FER: variants seen among roughly 807,000 people sequenced by gnomAD.
FER encodes FER tyrosine kinase, also known as tyrosine-protein kinase Fer.
FER carries 63 observed loss-of-function variants against 111.0 expected under a neutral mutation model. That is an observed-to-expected ratio of 0.57 (90% CI 0.46 to 0.70). The LOEUF (loss-of-function observed/expected upper bound fraction) is 0.70. Ranked by LOEUF, FER falls within the 30% of genes least tolerant of loss-of-function variation. The pLI is 0.00. For synonymous variants in FER, 327 were observed against 313.9 expected (o/e 1.04, Z -0.44); for missense variants, 914 against 954.0 (o/e 0.96, Z 0.55).
chr5:108,747,924 G>A lies in FER; in HGVS notation c.-282G>A, dbSNP rs1749989535. 6.6e-6 allele frequency: 1 copy of A among 152,214 alleles called. No homozygotes were observed. 9.4% of individuals were successfully genotyped at this position (152,214 alleles called of 1,614,324 possible). On this transcript the variant is annotated 5_prime_UTR_variant, in exon 1 of 20. Coordinates refer to ENST00000281092, the MANE Select transcript of FER (RefSeq NM_005246.4). ...TCATTTTTCACCAAATTCTTTTGGT[G>A]AAGGACGCTTCAGAAACGGCCATCA... is the stretch of plus-strand genomic sequence containing the variant.
chr5:109,114,669 G>A (rs76213323), intron 17 of FER, among the ~76,000 whole-genome samples: 1,659 of 152,002 alleles, frequency 0.011, 24 homozygotes, highest in African/African-American at 0.037. Context: ...ACATGTCTTC[G>A]TTTCAATAAA....
chr5:108,893,895 G>C (rs776436620), intron 9 of FER, among the ~76,000 whole-genome samples: 1 of 151,996 alleles, frequency 6.6e-6, no homozygotes, highest in Admixed American at 6.6e-5. Flanking sequence ...AAACTGGTAG[G>C]GGGCTGTATT....
intron 7 of FER, 50 bp from the exon 8 acceptor site, chr5:108,872,043 T>C (rs1466375329): frequency 6.4e-7 from 1 of 1,563,754 alleles, no homozygotes; most frequent in South Asian, 1.2e-5. Context: ...TGAAGATATA[T>C]TATGATACTG....
At chr5:109,141,734 CACTG>C (rs1398622025) in intron 17 of FER, among the ~76,000 whole-genome samples, 2 of 152,204 alleles carry the variant, frequency 1.3e-5, no homozygotes, top group East Asian at 1.9e-4. Flanking sequence ...GCTCAAATTT[CACTG>C]ACTAAGTCAA....
intron 17 of FER, among the ~76,000 whole-genome samples, chr5:109,158,306 A>T (rs190233754): frequency 2.0e-5 from 3 of 152,184 alleles, no homozygotes; most frequent in Admixed American, 1.3e-4. Flanking sequence ...GGGGCAGTTG[A>T]GGTAGATGAA....
chr5:109,029,425 CTTTTTTTT>C (rs757282669), intron 13 of FER, among the ~76,000 whole-genome samples: 2 of 52,204 alleles, frequency 3.8e-5, no homozygotes, highest in South Asian at 8.4e-4. Flanking sequence ...ATTCATTGTT[CTTTTTTTT>C]TTTTTTTTTT....
At chr5:108,834,555 A>G (rs1449504591) in intron 4 of FER, among the ~76,000 whole-genome samples, 3 of 152,102 alleles carry the variant, frequency 2.0e-5, no homozygotes, top group African/African-American at 4.8e-5. Context: ...AAAATTAGCC[A>G]GGTGCGGTGG....
intron 16 of FER, among the ~76,000 whole-genome samples, chr5:109,094,173 C>CTTT (rs199951464): frequency 8.4e-5 from 12 of 143,542 alleles, no homozygotes; most frequent in East Asian, 4.1e-4. Context: ...ACCTTTCCAG[C>CTTT]TTTTTTTTTT....
At position 109,192,589 on chromosome 5, in the gene FER, A is replaced by G. The variant is rs369632215; in HGVS notation, c.*5014A>G. 1.3e-5 allele frequency: 2 copies of G among 152,148 alleles called. No individual in the cohort carries two copies. Among genetic ancestry groups the G allele is most frequent in the African/African-American group, 4.8e-5 (2 of 41,426 alleles). The allele number at this position is 152,148 out of a possible 1,614,324, so 9.4% of individuals were successfully genotyped here. A position where few individuals can be genotyped will look rare whatever the true frequency, so the allele number is the denominator to read the frequency against. The stretch of plus-strand genomic sequence containing the variant: ...AAGACACTACCCAAAGCTTCTTTAC[A>G]TTTGCATTGGTTATATTTAATATTT... On this transcript the variant is annotated 3_prime_UTR_variant, in exon 20 of 20. Transcript: ENST00000281092.
chr5:109,006,220 TGAG>T (rs536531473), intron 13 of FER, among the ~76,000 whole-genome samples: 1 of 152,170 alleles, frequency 6.6e-6, no homozygotes, highest in South Asian at 2.1e-4. Flanking sequence ...AAGAAAGCTG[TGAG>T]GAGTTTTCAT....
intron 16 of FER, among the ~76,000 whole-genome samples, chr5:109,092,655 G>A (rs866483160): frequency 3.9e-5 from 6 of 152,102 alleles, no homozygotes; most frequent in Admixed American, 1.3e-4. Context: ...GTGCATTGCC[G>A]TTATAATCGT....
At chr5:108,806,722 C>T (rs1356256429) in intron 3 of FER, among the ~76,000 whole-genome samples, 7 of 152,118 alleles carry the variant, frequency 4.6e-5, no homozygotes, top group African/African-American at 1.2e-4. Context: ...TTTTGGCCAG[C>T]GTCTCCCTTT....
At chr5:108,772,322 A>ATG (rs1752997933) in intron 2 of FER, among the ~76,000 whole-genome samples, 1 of 149,296 alleles carries the variant, frequency 6.7e-6, no homozygotes, top group African/African-American at 2.5e-5. Context: ...ATATGTATGT[A>ATG]TATATATATA....
At chr5:108,882,866 T>G (rs1387261640) in intron 8 of FER, among the ~76,000 whole-genome samples, 1 of 151,770 alleles carries the variant, frequency 6.6e-6, no homozygotes, top group Non-Finnish European at 1.5e-5. Flanking sequence ...TAAATTGTCT[T>G]CAATTCTATA....
At chr5:108,845,642 T>G (rs1391884112) in intron 5 of FER, among the ~76,000 whole-genome samples, 1 of 152,140 alleles carries the variant, frequency 6.6e-6, no homozygotes, top group Non-Finnish European at 1.5e-5. Flanking sequence ...CCTGGCTAGA[T>G]CCTCCAGTAT....
intron 10 of FER, chr5:108,924,672 A>G: frequency 8.1e-7 from 1 of 1,232,050 alleles, no homozygotes; most frequent in Non-Finnish European, 1.0e-6. Flanking sequence ...TGGAGCAGAA[A>G]ATGAAATGTC....
intron 2 of FER, among the ~76,000 whole-genome samples, chr5:108,789,349 G>T (rs1454829593): frequency 3.3e-5 from 5 of 150,956 alleles, no homozygotes; most frequent in African/African-American, 1.2e-4. Context: ...TTTTGGAGAT[G>T]TTTGCTATTT....
At chr5:109,110,239 A>T (rs567307112) in intron 17 of FER, among the ~76,000 whole-genome samples, 33 of 152,310 alleles carry the variant, frequency 2.2e-4, no homozygotes, top group East Asian at 5.8e-4. Flanking sequence ...ACATATTTTT[A>T]AAAAATAATA....
chr5:109,010,569 G>A lies in FER; in HGVS notation c.1657-26853G>A, dbSNP rs1766131266. On this transcript the variant is annotated intron_variant, in intron 13 of 19. Transcript: ENST00000281092. ...ATCAACACCTGGATCTCCTGTGGGT[G>A]ATCCAAATTAAGATAGTCCAAAAGA... Among the ~76,000 whole-genome samples, 3 of 152,090 alleles carry A rather than the reference G, an allele frequency of 2.0e-5. No individual in the cohort carries two copies. The South Asian group carries it at 6.2e-4, about 32-fold the overall frequency.
Sources: gnomAD v4.1 joint callset for allele counts (sites outside exome capture counted in the v4.1 genomes callset) on GRCh38, gnomAD v4.1.1 for gene constraint, MANE v1.5 for transcripts, NCBI Gene and HGNC (gene_info 2026-07-23, HGNC 2026-07-21) for gene names.